The following ARHGEF12 variants were observed in gnomAD, a reference collection of about 807,000 sequenced individuals.
ARHGEF12 encodes KMT2A/ARHGEF12 fusion protein.
In ARHGEF12, 66 loss-of-function variants were observed where a neutral mutation model predicts 211.2. That is an observed-to-expected ratio of 0.31 (90% CI 0.26 to 0.38). ARHGEF12 has a LOEUF of 0.38. ARHGEF12 is among the 10% of genes least tolerant of loss of function. The pLI is 1.00. For synonymous variants in ARHGEF12, 592 were observed against 638.4 expected, an observed-to-expected ratio of 0.93 and a Z score of 1.09; for missense variants, 1,429 against 1,869.5, an observed-to-expected ratio of 0.76 and a Z score of 4.34.
chr11:120,430,746 T>G (rs1365769695), intron 10 of ARHGEF12, among the ~76,000 whole-genome samples: 1 of 152,190 alleles, frequency 6.6e-6, no homozygotes, highest in Non-Finnish European at 1.5e-5. Flanking sequence ...TACTTTCTGA[T>G]TTAAAAAAAT....
intron 1 of ARHGEF12, among the ~76,000 whole-genome samples, chr11:120,364,994 C>T (rs6589811): frequency 0.42 from 63,479 of 151,600 alleles, 13,530 homozygotes; most frequent in African/African-American, 0.48. Flanking sequence ...ACTATGTTGC[C>T]CAGGCTGGTC....
chr11:120,461,968 ATCT>A (rs1164877002), intron 27 of ARHGEF12, among the ~76,000 whole-genome samples: 5 of 152,196 alleles, frequency 3.3e-5, no homozygotes, highest in Non-Finnish European at 5.9e-5. Flanking sequence ...GGCTGATTTC[ATCT>A]TCTTTATACA....
rs1942748877 is a variant in ARHGEF12, at chr11:120,346,981, A to G, written c.32+9706A>G. On this transcript the variant is annotated intron_variant, in intron 1 of 40. Coordinates refer to ENST00000397843, the MANE Select transcript of ARHGEF12 (RefSeq NM_015313.3). Reference sequence around the variant, plus strand: ...ATAGGGTGAGGTAATAGTACTATATAGACTGACAGGTGTCAAGCAGCAGAG... The same window carrying G: ...ATAGGGTGAGGTAATAGTACTATATGGACTGACAGGTGTCAAGCAGCAGAG... Among the ~76,000 whole-genome samples the G allele has an allele frequency of 3.9e-5, 6 of 152,198 alleles. No homozygotes were observed. The South Asian group carries it at 1.2e-3, about 32-fold the overall frequency.
intron 27 of ARHGEF12, chr11:120,464,305 G>A (rs1459506614): frequency 6.6e-6 from 1 of 152,218 alleles, no homozygotes; most frequent in Non-Finnish European, 1.5e-5. Flanking sequence ...TAGGCCAGAT[G>A]TAGTGGCTCA....
intron 24 of ARHGEF12, 98 bp from the exon 25 acceptor site, chr11:120,457,982 A>G: frequency 2.2e-6 from 3 of 1,366,804 alleles, no homozygotes; most frequent in Admixed American, 2.5e-5. Flanking sequence ...AGTCAGATTC[A>G]GGAATCTGAT....
chr11:120,378,666 G>C (rs1165988747), intron 1 of ARHGEF12, among the ~76,000 whole-genome samples: 1 of 152,142 alleles, frequency 6.6e-6, no homozygotes, highest in African/African-American at 2.4e-5. Context: ...TATGGTGTGA[G>C]GTAAGGATTA....
chr11:120,398,257 A>G (rs1251079905), intron 1 of ARHGEF12, among the ~76,000 whole-genome samples: 1 of 152,208 alleles, frequency 6.6e-6, no homozygotes, highest in Non-Finnish European at 1.5e-5. Flanking sequence ...ACATAACTGA[A>G]TGTCAGTGTT....
intron 16 of ARHGEF12, 84 bp downstream of exon 16, chr11:120,445,548 C>CCATGTGACAG: frequency 7.6e-7 from 1 of 1,311,188 alleles, no homozygotes; most frequent in Non-Finnish European, 1.1e-6. Context: ...TTATCTGTCA[C>CCATGTGACAG]ATGGTGACTA....
intron 18 of ARHGEF12, 39 bp downstream of exon 18, chr11:120,447,124 T>C (rs375356061): frequency 3.7e-6 from 6 of 1,602,892 alleles, no homozygotes; most frequent in African/African-American, 1.3e-5. Flanking sequence ...CCCTCTCTGC[T>C]GAGATACTAG....
intron 4 of ARHGEF12, chr11:120,411,850 A>G (rs1283163922): frequency 2.0e-5 from 3 of 151,670 alleles, no homozygotes; most frequent in East Asian, 1.9e-4. Flanking sequence ...AGTAGAGACA[A>G]AGTCTCGCCA....
Position 120,473,030 on chromosome 11 carries a change from C to T in ARHGEF12, c.2956-20C>T. 1 of 1,611,660 alleles carries T rather than the reference C, an allele frequency of 6.2e-7. No individual in the cohort carries two copies. Among genetic ancestry groups the T allele is most frequent in the African/African-American group, 1.3e-5 (1 of 74,976 alleles). ...AATGACCAAAGCACTAACCTTGGTTCCACCCTGCCTAATTTTCAGCGCCTA... is the reference window on the plus strand; with the variant it reads ...AATGACCAAAGCACTAACCTTGGTTTCACCCTGCCTAATTTTCAGCGCCTA... On this transcript the variant is annotated intron_variant, in intron 30 of 40. Transcript: ENST00000397843.
chr11:120,460,764 A>G lies in ARHGEF12; in HGVS notation c.2613+7A>G. 6.2e-7 allele frequency: 1 copy of G among 1,609,144 alleles called. No homozygotes were observed. Among genetic ancestry groups the G allele is most frequent in the Non-Finnish European group, 8.5e-7 (1 of 1,176,200 alleles). ...GGAAGATTTGCTGACATGGGTAAGG[A>G]AATTTTCTGTTTCTTTTTAATATTT... On this transcript the variant is annotated splice_region_variant and intron_variant, in intron 27 of 40. Transcript: ENST00000397843.
intron 1 of ARHGEF12, among the ~76,000 whole-genome samples, chr11:120,347,264 CTCTGTCTGTGTGTGTG>C (rs1468825278): frequency 1.5e-4 from 17 of 112,798 alleles, no homozygotes; most frequent in South Asian, 3.5e-4. Flanking sequence ...CTCTCTCTCT[CTCTGTCTGTGTGTGTG>C]TGTGTGTGTG....
intron 6 of ARHGEF12, among the ~76,000 whole-genome samples, chr11:120,423,277 G>C (rs193200506): frequency 6.6e-6 from 1 of 152,274 alleles, no homozygotes; most frequent in African/African-American, 2.4e-5. Flanking sequence ...ATGGTAAAAT[G>C]ACTATTCTCA....
intron 31 of ARHGEF12, 151 bp downstream of exon 31, chr11:120,473,278 A>G (rs1946927283): frequency 1.5e-6 from 1 of 672,078 alleles, no homozygotes. Flanking sequence ...GCTGCCTTTT[A>G]AATGCTTGAT....
chr11:120,453,058 A>C (rs562969804), intron 22 of ARHGEF12, among the ~76,000 whole-genome samples: 2 of 152,152 alleles, frequency 1.3e-5, no homozygotes, highest in East Asian at 3.9e-4. Context: ...AATCATATTG[A>C]GGAACAAGAA....
intron 1 of ARHGEF12, among the ~76,000 whole-genome samples, chr11:120,355,193 C>A (rs945580788): frequency 2.0e-5 from 3 of 152,132 alleles, no homozygotes; most frequent in Non-Finnish European, 4.4e-5. Flanking sequence ...AACATTTGCC[C>A]ATGCTTGTTT....
At chr11:120,343,574 C>T (rs1375916208) in intron 1 of ARHGEF12, among the ~76,000 whole-genome samples, 2 of 152,124 alleles carry the variant, frequency 1.3e-5, no homozygotes, top group East Asian at 1.9e-4. Context: ...AGATTCATAC[C>T]GAAACAGGAT....
At chr11:120,367,116 A>G in intron 1 of ARHGEF12, among the ~76,000 whole-genome samples, 2 of 152,042 alleles carry the variant, frequency 1.3e-5, no homozygotes. Flanking sequence ...ATTGCATCTG[A>G]TTCTTTTGGT....
Sources: gnomAD v4.1 joint callset for allele counts (sites outside exome capture counted in the v4.1 genomes callset) on GRCh38, gnomAD v4.1.1 for gene constraint, MANE v1.5 for transcripts, NCBI Gene and HGNC (gene_info 2026-07-23, HGNC 2026-07-21) for gene names.